ARHGAP40: variants seen among roughly 807,000 people sequenced by gnomAD.
The protein encoded by ARHGAP40 is rho GTPase-activating protein 40.
A neutral mutation model predicts 73.5 loss-of-function variants in ARHGAP40; 43 were observed. The observed-to-expected ratio is 0.58, with a 90% CI of 0.46 to 0.75. The LOEUF is 0.75. ARHGAP40 is among the 30% of genes least tolerant of loss of function. The pLI is 0.00. For missense variants in ARHGAP40, 734 were observed against 861.8 expected (o/e 0.85, Z 1.86); for synonymous variants, 300 against 352.8 (o/e 0.85, Z 1.68).
In ARHGAP40 at chr20:38,641,824, C is replaced by T. The variant is rs771787659; in HGVS notation, c.1362+16C>T. 5 of 1,268,336 alleles carry T rather than the reference C, an allele frequency of 3.9e-6. No individual in the cohort carries two copies. The highest frequency in any genetic ancestry group is 2.2e-4 in the Middle Eastern group (1 of 4,644). The allele number at this position is 1,268,336 out of a possible 1,614,324, so 78.6% of individuals were successfully genotyped here. A position where few individuals can be genotyped will look rare whatever the true frequency, so the allele number is the denominator to read the frequency against. On this transcript the variant is annotated intron_variant, in intron 10 of 14. Coordinates refer to ENST00000373345, the Ensembl canonical transcript of ARHGAP40. ...TGCCTTAAAGGTAAGAGTTACCATG[C>T]ACCACCACCACTCTGCCATCTCAGC...
intron 1 of ARHGAP40, 29 bp from the exon 2 acceptor site, chr20:38,623,330 C>A: frequency 7.9e-7 from 1 of 1,258,236 alleles, no homozygotes; most frequent in Non-Finnish European, 1.0e-6. Flanking sequence ...GACTTGCTGA[C>A]CTCCCTGCAC....
At chr20:38,649,606 C>T in intron 14 of ARHGAP40, 151 bp from the exon 15 acceptor site, 1 of 409,672 alleles carries the variant, frequency 2.4e-6, no homozygotes, top group Non-Finnish European at 4.6e-6. Context: ...CAGCGGAGCT[C>T]AGTTCTCCAG....
At chr20:38,642,484 T>C (rs183183528) in intron 10 of ARHGAP40, among the ~76,000 whole-genome samples, 1 of 152,282 alleles carries the variant, frequency 6.6e-6, no homozygotes, top group African/African-American at 2.4e-5. Flanking sequence ...TCTTGTCTAA[T>C]TGTTTTGGAA....
chr20:38,602,963 G>C (rs1437186467), intron 1 of ARHGAP40, among the ~76,000 whole-genome samples: 1 of 152,182 alleles, frequency 6.6e-6, no homozygotes, highest in Non-Finnish European at 1.5e-5. Flanking sequence ...AAGCAATACA[G>C]CAATGAACAT....
In ARHGAP40 at chr20:38,646,912, A is replaced by G. The variant is rs1310934236; in HGVS notation, c.1711-45A>G. The stretch of plus-strand genomic sequence containing the variant: ...TGCATCCACGTTGGAACTCCAGGCA[A>G]GCTGACTCTTATGTATATGGATCTT... On this transcript the variant is annotated intron_variant, in intron 12 of 14. Transcript: ENST00000373345. The surrounding 1 kb of genome is among the most constrained non-coding windows in gnomAD (Gnocchi z 4.5). 1 of 1,271,440 alleles carries G rather than the reference A, an allele frequency of 7.9e-7. No homozygotes were observed. The highest frequency in any genetic ancestry group is 2.6e-5 in the Admixed American group (1 of 39,032). The allele number at this position is 1,271,440 out of a possible 1,614,324, so 78.8% of individuals were successfully genotyped here.
rs2088914171 is a variant in ARHGAP40 at position 38,628,126 on chromosome 20, T to C, written c.559-801T>C. 5.9e-5 allele frequency among the ~76,000 whole-genome samples: 9 copies of C among 152,308 alleles called. 1 individual carries two copies. In the South Asian group the frequency reaches 1.7e-3, roughly 28 times the overall value. Reference sequence around the variant, plus strand: ...GCTCAGGAGCAGTTCTGCCTTTTAATTACATGCAAATTAAGGGGTGAGTTA... The same window carrying C: ...GCTCAGGAGCAGTTCTGCCTTTTAACTACATGCAAATTAAGGGGTGAGTTA... On this transcript the variant is annotated intron_variant, in intron 3 of 14. Transcript: ENST00000373345.
intron 1 of ARHGAP40, among the ~76,000 whole-genome samples, chr20:38,605,199 G>A (rs1266645343): frequency 6.6e-6 from 1 of 152,186 alleles, no homozygotes; most frequent in East Asian, 1.9e-4. Context: ...CTGGCTTGTT[G>A]TAGGTGTTCA....
chr20:38,648,180 G>T (rs1275082243), intron 13 of ARHGAP40, among the ~76,000 whole-genome samples: 1 of 152,256 alleles, frequency 6.6e-6, no homozygotes, highest in Non-Finnish European at 1.5e-5. Flanking sequence ...TGGCAGAAAA[G>T]AGGCCATGGA....
chr20:38,633,400 G>A (rs1438587577), intron 5 of ARHGAP40, among the ~76,000 whole-genome samples: 1 of 152,200 alleles, frequency 6.6e-6, no homozygotes, highest in Non-Finnish European at 1.5e-5. Flanking sequence ...TGATAACTGT[G>A]TTAATAAACT....
intron 7 of ARHGAP40, among the ~76,000 whole-genome samples, chr20:38,638,309 T>C (rs561224877): frequency 1.3e-5 from 2 of 152,074 alleles, no homozygotes; most frequent in Non-Finnish European, 2.9e-5. Flanking sequence ...AGAGAGACTC[T>C]CTCAAAAAAT....
chr20:38,621,101 G>A (rs75940825), intron 1 of ARHGAP40, among the ~76,000 whole-genome samples: 1,959 of 152,298 alleles, frequency 0.013, 16 homozygotes, highest in Middle Eastern at 0.027. Flanking sequence ...CAGAAACTGG[G>A]GGGACAACAG....
chr20:38,634,504 T>C, intron 5 of ARHGAP40, 116 bp from the exon 6 acceptor site: 1 of 915,234 alleles, frequency 1.1e-6, no homozygotes, highest in Non-Finnish European at 1.6e-6. Context: ...GAGTGCTTGC[T>C]CTTATCCACG....
chr20:38,640,623 C>A (rs1033330114), intron 9 of ARHGAP40, among the ~76,000 whole-genome samples: 13 of 152,190 alleles, frequency 8.5e-5, no homozygotes, highest in Non-Finnish European at 1.5e-5. Flanking sequence ...AGGCCCACCT[C>A]CTCCGGCTCA....
At chr20:38,638,723 C>A in intron 7 of ARHGAP40, 38 bp from the exon 8 acceptor site, 1 of 1,281,860 alleles carries the variant, frequency 7.8e-7, no homozygotes, top group Non-Finnish European at 1.0e-6. Flanking sequence ...TGCTTTTCAG[C>A]GGTTCCTGGT....
At chr20:38,615,479 C>T (rs529745371) in intron 1 of ARHGAP40, 391 of 679,476 alleles carry the variant, frequency 5.8e-4, no homozygotes, top group Non-Finnish European at 9.7e-4. Flanking sequence ...ACGTCCATGG[C>T]GGCGCGAGTG....
intron 1 of ARHGAP40, among the ~76,000 whole-genome samples, chr20:38,620,195 T>C (rs996874547): frequency 6.6e-6 from 1 of 152,250 alleles, no homozygotes; most frequent in Non-Finnish European, 1.5e-5. Flanking sequence ...CTTTTCTGCA[T>C]GCGCTATACC....
intron 1 of ARHGAP40, among the ~76,000 whole-genome samples, chr20:38,608,987 C>G (rs757499040): frequency 2.0e-5 from 3 of 152,168 alleles, no homozygotes; most frequent in Non-Finnish European, 4.4e-5. Context: ...CTTCTGCCTC[C>G]CTCTTCCCCA....
intron 6 of ARHGAP40, among the ~76,000 whole-genome samples, chr20:38,635,327 T>G (rs1005576585): frequency 1.3e-5 from 2 of 152,198 alleles, no homozygotes; most frequent in African/African-American, 4.8e-5. Flanking sequence ...GTGTATTATC[T>G]TCCTTTGTGT....
intron 3 of ARHGAP40, 82 bp downstream of exon 3, chr20:38,627,297 C>T (rs2088904161): frequency 1.7e-6 from 2 of 1,207,110 alleles, no homozygotes; most frequent in Non-Finnish European, 2.2e-6. Context: ...TGCAGTGATC[C>T]TGCTGAAGGG....
Sources: gnomAD v4.1 joint callset for allele counts (sites outside exome capture counted in the v4.1 genomes callset) on GRCh38, gnomAD v4.1.1 for gene constraint, Gnocchi (gnomAD v3.1) non-coding constraint, MANE v1.5 for transcripts, NCBI Gene and HGNC (gene_info 2026-07-23, HGNC 2026-07-21) for gene names.